The following PTGIS variants were observed in gnomAD, a reference collection of about 807,000 sequenced individuals.
PTGIS encodes the protein prostacyclin synthase.
In PTGIS, 45 loss-of-function variants were observed where a neutral mutation model predicts 50.3. The ratio of observed to expected loss-of-function variants is 0.90; its 90% confidence interval spans 0.70 to 1.15. The LOEUF is 1.15. Among genes scored for constraint, PTGIS ranks in the 50% most tolerant of loss-of-function variants. PTGIS has a pLI of 0.00. For synonymous variants in PTGIS, 260 were observed against 267.7 expected, an observed-to-expected ratio of 0.97 and a Z score of 0.28; for missense variants, 668 against 661.3, an observed-to-expected ratio of 1.01 and a Z score of -0.11.
chr20:49,509,127 C>G (rs749014154), intron 9 of PTGIS, among the ~76,000 whole-genome samples: 2 of 152,232 alleles, frequency 1.3e-5, no homozygotes, highest in Non-Finnish European at 2.9e-5. Flanking sequence ...CTTACCCACT[C>G]TGGGTCTCAG....
chr20:49,567,935 G>T, intron 1 of PTGIS, 108 bp downstream of exon 1: 3 of 1,079,760 alleles, frequency 2.8e-6, no homozygotes, highest in South Asian at 2.2e-5. Context: ...CGGGATACTG[G>T]AGCGGGACTC....
intron 5 of PTGIS, among the ~76,000 whole-genome samples, chr20:49,534,617 T>G (rs1253715925): frequency 1.3e-5 from 2 of 152,180 alleles, no homozygotes; most frequent in Non-Finnish European, 2.9e-5. Flanking sequence ...GCACAGGATT[T>G]TGCAGACAGA....
At chr20:49,521,618 G>A (rs1191509521) in intron 6 of PTGIS, among the ~76,000 whole-genome samples, 2 of 152,154 alleles carry the variant, frequency 1.3e-5, no homozygotes, top group African/African-American at 4.8e-5. Flanking sequence ...CTGATGTGGG[G>A]GACAACTGCC....
At chr20:49,513,765 C>T (rs1255978549) in intron 7 of PTGIS, among the ~76,000 whole-genome samples, 1 of 152,122 alleles carries the variant, frequency 6.6e-6, no homozygotes, top group African/African-American at 2.4e-5. Flanking sequence ...CAATGAGACA[C>T]AGTCTTGGGA....
intron 1 of PTGIS, among the ~76,000 whole-genome samples, chr20:49,559,035 G>T (rs149879159): frequency 6.6e-6 from 1 of 152,130 alleles, no homozygotes; most frequent in African/African-American, 2.4e-5. Context: ...ATTCTTAAGC[G>T]CAGGATGTTT....
At chr20:49,567,953 G>A in intron 1 of PTGIS, 90 bp downstream of exon 1, 1 of 1,261,466 alleles carries the variant, frequency 7.9e-7, no homozygotes, top group Non-Finnish European at 1.0e-6. Context: ...CTCGGGCCGG[G>A]CCGGCCGCGG....
At chr20:49,533,972 C>CAT (rs372596578) in intron 5 of PTGIS, among the ~76,000 whole-genome samples, 15,314 of 149,368 alleles carry the variant, frequency 0.1, 987 homozygotes, top group African/African-American at 0.18. Flanking sequence ...AAAGCAAAAA[C>CAT]ATATATATAT....
At position 49,540,864 on chromosome 20, in the gene PTGIS, C is replaced by A. The variant is rs1410929962; in HGVS notation, c.522-1143G>T. On this transcript the variant is annotated intron_variant, in intron 4 of 9. Transcript: ENST00000244043. The surrounding 1 kb of genome is among the most constrained non-coding windows in gnomAD (Gnocchi z 4.8). ...AGACGCAACCAAAGCCCCGGGGCCTCACCCTCTCACCCTCCCCTTGAGCTC... is the reference window on the plus strand; with the variant it reads ...AGACGCAACCAAAGCCCCGGGGCCTAACCCTCTCACCCTCCCCTTGAGCTC... 6.6e-6 allele frequency among the ~76,000 whole-genome samples: 1 copy of A among 152,184 alleles called. No homozygotes were observed. Among genetic ancestry groups the A allele is most frequent in the Non-Finnish European group, 1.5e-5 (1 of 68,034 alleles).
chr20:49,512,886 A>G (rs1285838241), intron 8 of PTGIS, among the ~76,000 whole-genome samples, 194 bp downstream of exon 8: 1 of 152,086 alleles, frequency 6.6e-6, no homozygotes, highest in Non-Finnish European at 1.5e-5. Context: ...TCTTCCTATC[A>G]ATCTCATGAG....
chr20:49,532,223 AG>A (rs1317240391), intron 5 of PTGIS, among the ~76,000 whole-genome samples: 1 of 152,168 alleles, frequency 6.6e-6, no homozygotes, highest in Non-Finnish European at 1.5e-5. Context: ...TTTCTTTTTT[AG>A]TGTGTCTAAT....
intron 1 of PTGIS, among the ~76,000 whole-genome samples, chr20:49,558,415 G>A (rs550196692): frequency 3.3e-5 from 5 of 152,304 alleles, no homozygotes; most frequent in Admixed American, 3.3e-4. Flanking sequence ...AAGAAAATAA[G>A]TGTTAGCAAG....
intron 6 of PTGIS, among the ~76,000 whole-genome samples, chr20:49,516,355 G>T (rs1312613041): frequency 6.6e-6 from 1 of 152,126 alleles, no homozygotes; most frequent in Non-Finnish European, 1.5e-5. Context: ...GTGGCTCACT[G>T]CAACCTCCAC....
intron 1 of PTGIS, among the ~76,000 whole-genome samples, chr20:49,562,932 A>G (rs1179868804): frequency 1.3e-5 from 2 of 152,208 alleles, no homozygotes; most frequent in South Asian, 2.1e-4. Flanking sequence ...CACTCAGAAC[A>G]GTGGCTGGTC....
chr20:49,534,962 C>T (rs1028534823), intron 5 of PTGIS, among the ~76,000 whole-genome samples: 1 of 152,076 alleles, frequency 6.6e-6, no homozygotes, highest in Non-Finnish European at 1.5e-5. Flanking sequence ...GCCGAGGTCT[C>T]GCTACTGCAC....
intron 1 of PTGIS, among the ~76,000 whole-genome samples, chr20:49,565,363 C>T (rs1387974817): frequency 6.6e-6 from 1 of 152,118 alleles, no homozygotes; most frequent in Non-Finnish European, 1.5e-5. Context: ...ATTCATTCTT[C>T]CTGTGAATTA....
intron 5 of PTGIS, among the ~76,000 whole-genome samples, chr20:49,538,848 ATTT>A (rs1254452461): frequency 6.6e-6 from 1 of 151,860 alleles, no homozygotes; most frequent in African/African-American, 2.4e-5. Flanking sequence ...TGCCTGGCTA[ATTT>A]TTGTATTTTT....
chr20:49,511,013 T>C lies in PTGIS; in HGVS notation c.1358+15A>G, dbSNP rs1238835069. On this transcript the variant is annotated intron_variant, in intron 9 of 9. Transcript: ENST00000244043. ...ATCAGGAGCCACCCTGGCCCTGCCCTGGCCCCCCACTCACTGTTTGATGCT... is the reference window on the plus strand; with the variant it reads ...ATCAGGAGCCACCCTGGCCCTGCCCCGGCCCCCCACTCACTGTTTGATGCT... 5.0e-6 allele frequency: 8 copies of C among 1,611,798 alleles called. No homozygotes were observed. Among genetic ancestry groups the C allele is most frequent in the Non-Finnish European group, 6.8e-6 (8 of 1,179,124 alleles).
At chr20:49,549,927 T>C in intron 2 of PTGIS, 139 bp downstream of exon 2, 1 of 1,333,982 alleles carries the variant, frequency 7.5e-7, no homozygotes, top group African/African-American at 1.4e-5. Flanking sequence ...GATAGAAAGT[T>C]GGCTCGACCA....
chr20:49,559,477 G>C (rs1982708711), intron 1 of PTGIS, among the ~76,000 whole-genome samples: 1 of 152,114 alleles, frequency 6.6e-6, no homozygotes, highest in Non-Finnish European at 1.5e-5. Flanking sequence ...CCCTCTCTTG[G>C]GGTCTGGATC....
Sources: allele counts gnomAD v4.1 joint callset (sites outside exome capture counted in the v4.1 genomes callset), GRCh38; gene constraint gnomAD v4.1.1; non-coding constraint Gnocchi (gnomAD v3.1); transcripts MANE v1.5; gene names NCBI Gene and HGNC (gene_info 2026-07-23, HGNC 2026-07-21).